The following ADGRB3 variants were observed in gnomAD, a reference collection of about 807,000 sequenced individuals.
ADGRB3 encodes brain-specific angiogenesis inhibitor 3.
A neutral mutation model predicts 193.4 loss-of-function variants in ADGRB3; 37 were observed. The ratio of observed to expected loss-of-function variants is 0.19; its 90% CI spans 0.15 to 0.25. ADGRB3 has a LOEUF of 0.25. Ranked by LOEUF, ADGRB3 falls within the 10% of genes least tolerant of loss-of-function variation. The pLI is 1.00. For synonymous variants in ADGRB3, 690 were observed against 644.2 expected (o/e 1.07, Z -1.08); for missense variants, 1,637 against 1,852.9 (o/e 0.88, Z 2.14).
At chr6:68,977,324 C>A (rs1261910718) in intron 10 of ADGRB3, among the ~76,000 whole-genome samples, 48 of 151,298 alleles carry the variant, frequency 3.2e-4, no homozygotes, top group Non-Finnish European at 1.0e-4. Context: ...TAATTTTAGT[C>A]ATTAGACTTT....
chr6:68,807,235 C>CTTTTTTTTTTTTT (rs771342538), intron 3 of ADGRB3, among the ~76,000 whole-genome samples: 25 of 100,200 alleles, frequency 2.5e-4, no homozygotes, highest in South Asian at 6.8e-4. Flanking sequence ...TTTCTTTTTT[C>CTTTTTTTTTTTTT]TTTTTTTTTT....
At chr6:69,259,191 C>T (rs760375495) in intron 20 of ADGRB3, among the ~76,000 whole-genome samples, 11 of 152,076 alleles carry the variant, frequency 7.2e-5, no homozygotes, top group African/African-American at 2.4e-4. Context: ...TGAGTCAGTA[C>T]GGTGTAAATT....
At chr6:68,898,160 C>T (rs1254748652) in intron 3 of ADGRB3, among the ~76,000 whole-genome samples, 1 of 151,670 alleles carries the variant, frequency 6.6e-6, no homozygotes, top group Non-Finnish European at 1.5e-5. Context: ...TACTTCAGAC[C>T]AAATCCCAAG....
intron 3 of ADGRB3, among the ~76,000 whole-genome samples, chr6:68,667,456 A>C (rs972507333): frequency 3.3e-5 from 5 of 152,054 alleles, no homozygotes; most frequent in Middle Eastern, 3.4e-3. Context: ...TATAATCTTG[A>C]AAGAAATTTT....
intron 11 of ADGRB3, among the ~76,000 whole-genome samples, chr6:69,006,838 CT>C (rs970014363): frequency 5.9e-4 from 89 of 151,922 alleles, no homozygotes; most frequent in African/African-American, 2.0e-3. Flanking sequence ...ACTTCGTCAT[CT>C]TTTTTTTATT....
chr6:69,049,261 TTC>T lies in ADGRB3; in HGVS notation c.2258-8_2258-7del, dbSNP rs1232121430. ...CTGTTTGCTAATACTTCAAAATTTA[TTC>T]TTTCTAGAATTAGATGAATCATCTG... On this transcript the variant is annotated splice_polypyrimidine_tract_variant and splice_region_variant and intron_variant, in intron 14 of 31. Transcript: ENST00000370598. 1 of 1,575,144 alleles carries T rather than the reference TTC, an allele frequency of 6.3e-7. No individual in the cohort carries two copies. The highest frequency in any genetic ancestry group is 1.4e-5 in the African/African-American group (1 of 73,608).
intron 12 of ADGRB3, among the ~76,000 whole-genome samples, chr6:69,017,433 G>C (rs1330368648): frequency 1.3e-5 from 2 of 151,994 alleles, no homozygotes; most frequent in African/African-American, 4.8e-5. Flanking sequence ...GCTCTAAAGT[G>C]GTTATATAAT....
chr6:69,004,361 C>T (rs1422758675), intron 11 of ADGRB3, among the ~76,000 whole-genome samples: 1 of 151,794 alleles, frequency 6.6e-6, no homozygotes, highest in Non-Finnish European at 1.5e-5. Flanking sequence ...TCTCTACACA[C>T]TTGCATCCCT....
At chr6:68,754,822 C>G (rs1260416973) in intron 3 of ADGRB3, among the ~76,000 whole-genome samples, 1 of 152,002 alleles carries the variant, frequency 6.6e-6, no homozygotes, top group African/African-American at 2.4e-5. Flanking sequence ...GAAGTCTAAC[C>G]CTTGCACAAT....
At chr6:69,213,770 G>T (rs891709111) in intron 17 of ADGRB3, among the ~76,000 whole-genome samples, 1 of 152,130 alleles carries the variant, frequency 6.6e-6, no homozygotes, top group Non-Finnish European at 1.5e-5. Context: ...GGTAAAGCTA[G>T]ATTAGATAGA....
intron 5 of ADGRB3, among the ~76,000 whole-genome samples, chr6:68,940,490 C>A (rs1433715981): frequency 7.5e-6 from 1 of 132,718 alleles, no homozygotes; most frequent in Non-Finnish European, 1.6e-5. Context: ...CTGGTGTACT[C>A]TTTATGTACT....
chr6:68,936,425 T>A, intron 4 of ADGRB3, 94 bp from the exon 5 acceptor site: 1 of 1,235,718 alleles, frequency 8.1e-7, no homozygotes, highest in African/African-American at 1.5e-5. Flanking sequence ...TACATTTAAA[T>A]TATTCTTGCA....
intron 3 of ADGRB3, among the ~76,000 whole-genome samples, chr6:68,661,363 G>A (rs536443421): frequency 6.1e-4 from 59 of 97,040 alleles, no homozygotes; most frequent in South Asian, 1.7e-3. Flanking sequence ...GTGTGTGTGT[G>A]TATATATATG....
At chr6:69,031,440 CAAA>C (rs540284027) in intron 13 of ADGRB3, among the ~76,000 whole-genome samples, 1 of 118,520 alleles carries the variant, frequency 8.4e-6, no homozygotes. Flanking sequence ...GACTCCATCT[CAAA>C]AAAAAAAAAA....
intron 3 of ADGRB3, among the ~76,000 whole-genome samples, chr6:68,835,276 G>A (rs1295333242): frequency 6.6e-6 from 1 of 152,144 alleles, no homozygotes; most frequent in Admixed American, 6.5e-5. Context: ...GACTTGTCAT[G>A]ATTACACCAA....
intron 3 of ADGRB3, among the ~76,000 whole-genome samples, chr6:68,755,959 T>A (rs914082977): frequency 2.6e-5 from 4 of 152,192 alleles, no homozygotes; most frequent in African/African-American, 9.7e-5. Context: ...AATAAGCATA[T>A]TTAAGGAAGA....
intron 10 of ADGRB3, among the ~76,000 whole-genome samples, chr6:68,993,291 A>G (rs1467245647): frequency 2.0e-5 from 3 of 152,120 alleles, no homozygotes; most frequent in Non-Finnish European, 4.4e-5. Context: ...TGCTGCTAAT[A>G]ACTTTCTTTG....
chr6:68,864,396 C>A (rs1476641625), intron 3 of ADGRB3, among the ~76,000 whole-genome samples: 1 of 152,130 alleles, frequency 6.6e-6, no homozygotes. Context: ...AGCAAATTGA[C>A]TAAGTTCTGG....
At chr6:69,232,342 CCCA>C in intron 17 of ADGRB3, 1 of 1,279,022 alleles carries the variant, frequency 7.8e-7, no homozygotes, top group Non-Finnish European at 1.0e-6. Flanking sequence ...CCCCATCCCC[CCCA>C]CCACGAACAA....
Sources: gnomAD v4.1 joint callset for allele counts (sites outside exome capture counted in the v4.1 genomes callset) on GRCh38, gnomAD v4.1.1 for gene constraint, MANE v1.5 for transcripts, NCBI Gene and HGNC (gene_info 2026-07-23, HGNC 2026-07-21) for gene names.